MYOM1: variants seen among roughly 807,000 people sequenced by gnomAD.
The protein encoded by MYOM1 is myomesin-1.
Under a neutral mutation model 205.3 loss-of-function variants are expected in MYOM1, and 164 were observed. That is an observed-to-expected ratio of 0.80 (90% CI 0.70 to 0.91). The LOEUF is 0.91. MYOM1 is among the 40% of genes least tolerant of loss of function. The pLI is 0.00. For missense variants in MYOM1, 2,011 were observed against 2,127.3 expected (o/e 0.95, Z 1.08); for synonymous variants, 772 against 789.4 (o/e 0.98, Z 0.37).
chr18:3,094,948 C>G (rs1292792160), intron 25 of MYOM1, among the ~76,000 whole-genome samples: 1 of 152,052 alleles, frequency 6.6e-6, no homozygotes, highest in Non-Finnish European at 1.5e-5. Context: ...TGTGAGCCAC[C>G]TCATCTAGTT....
rs372972789 is a variant in MYOM1 at position 3,203,655 on chromosome 18, GAA to G, written c.291-9699_291-9698del. On this transcript the variant is annotated intron_variant, in intron 2 of 37. Transcript: ENST00000356443. Reference sequence around the variant, plus strand: ...TGGTAATTTAAAATTTTCCTACAACGAAAAGTCCATGCCCAAATAGCTTCGCT... The same window carrying G: ...TGGTAATTTAAAATTTTCCTACAACGAAGTCCATGCCCAAATAGCTTCGCT... 4.6e-3 allele frequency among the ~76,000 whole-genome samples: 700 copies of G among 150,654 alleles called. 6 individuals are homozygous for G. The highest frequency in any genetic ancestry group is 0.016 in the African/African-American group (670 of 41,274).
chr18:3,093,453 T>A (rs534503221), intron 26 of MYOM1: 1 of 152,172 alleles, frequency 6.6e-6, no homozygotes, highest in Non-Finnish European at 1.5e-5. Flanking sequence ...AAAGAGTATT[T>A]TATATATATA....
rs995431556 is a variant in MYOM1 at position 3,135,913 on chromosome 18, A to C, written c.2026-183T>G. Among the ~76,000 whole-genome samples, 2 of 152,170 alleles carry C rather than the reference A, an allele frequency of 1.3e-5. No individual in the cohort carries two copies. The highest frequency in any genetic ancestry group is 1.3e-4 in the Admixed American group (2 of 15,280). On this transcript the variant is annotated intron_variant, in intron 14 of 37. Transcript: ENST00000356443. This position sits in a 1 kb window ranked among gnomAD's most constrained non-coding sequence, Gnocchi z 4.1. ...GAAGTTCGTAGGATTCTCTAAATCA[A>C]ACTTGGCTTTTGATACGGTTTGGCT... is the stretch of plus-strand genomic sequence containing the variant.
intron 19 of MYOM1, among the ~76,000 whole-genome samples, chr18:3,123,127 A>G (rs2143846962): frequency 6.6e-6 from 1 of 152,284 alleles, no homozygotes; most frequent in African/African-American, 2.4e-5. Flanking sequence ...TGCCCCCAGC[A>G]CCACCACTTT....
At chr18:3,090,376 T>C (rs1210924099) in intron 27 of MYOM1, among the ~76,000 whole-genome samples, 1 of 151,998 alleles carries the variant, frequency 6.6e-6, no homozygotes, top group Non-Finnish European at 1.5e-5. Context: ...CACACCACCA[T>C]GCCTGGCTAA....
chr18:3,176,520 G>A (rs576202556), intron 5 of MYOM1, among the ~76,000 whole-genome samples: 54 of 152,154 alleles, frequency 3.5e-4, no homozygotes, highest in Admixed American at 2.4e-3. Flanking sequence ...GTGTTGGGAC[G>A]CAAGAAGGAG....
At chr18:3,164,191 C>T in intron 10 of MYOM1, 87 bp downstream of exon 10, 1 of 1,374,036 alleles carries the variant, frequency 7.3e-7, no homozygotes, top group Non-Finnish European at 1.0e-6. Flanking sequence ...CATTATGAAA[C>T]ATGTTTGAAC....
chr18:3,095,121 C>T (rs1025841073), intron 25 of MYOM1, among the ~76,000 whole-genome samples: 1 of 152,012 alleles, frequency 6.6e-6, no homozygotes, highest in Non-Finnish European at 1.5e-5. Context: ...ACATTCATTC[C>T]AATGCAGGAC....
chr18:3,089,637 T>C (rs1479920989), intron 27 of MYOM1, 41 bp from the exon 28 acceptor site: 1 of 1,532,740 alleles, frequency 6.5e-7, no homozygotes, highest in Admixed American at 1.8e-5. Context: ...TTGAGTTGGG[T>C]GGTATAAATG....
chr18:3,187,391 T>C lies in MYOM1; in HGVS notation c.929+89A>G, dbSNP rs1598752626. ...CAATCTTGTAGATGTCTTCATTGAC[T>C]CTTGCATATGGTTGTTCTGTGTGTT... On this transcript the variant is annotated intron_variant, in intron 5 of 37. Coordinates refer to ENST00000356443, the MANE Select transcript of MYOM1 (RefSeq NM_003803.4). 4 of 1,398,196 alleles carry C rather than the reference T, an allele frequency of 2.9e-6. No homozygotes were observed. The East Asian group carries it at 9.2e-5, about 32-fold the overall frequency. The allele number at this position is 1,398,196 out of a possible 1,614,324, so 86.6% of individuals were successfully genotyped here.
the MYOM1 span, among the ~76,000 whole-genome samples, chr18:3,236,272 G>A: frequency 1.3e-5 from 2 of 152,200 alleles, no homozygotes; most frequent in Non-Finnish European, 2.9e-5. Flanking sequence ...GGAAGAAAAG[G>A]AAGTAAGAAA....
intron 18 of MYOM1, among the ~76,000 whole-genome samples, chr18:3,127,305 A>ATATATTTTTTTTTTTTTTTTTT (rs56880961): frequency 2.1e-5 from 1 of 47,582 alleles, no homozygotes; most frequent in Non-Finnish European, 3.6e-5. Context: ...ATATATATAT[A>ATATATTTTTTTTTTTTTTTTTT]TTTTTTTTTT....
intron 13 of MYOM1, among the ~76,000 whole-genome samples, chr18:3,148,064 T>C (rs1406087219): frequency 6.6e-6 from 1 of 152,146 alleles, no homozygotes; most frequent in Non-Finnish European, 1.5e-5. Context: ...ATGGCTAAAA[T>C]TGAAAAGACT....
intron 13 of MYOM1, among the ~76,000 whole-genome samples, chr18:3,143,387 G>T (rs1032589623): frequency 2.6e-5 from 4 of 152,064 alleles, no homozygotes; most frequent in African/African-American, 9.7e-5. Flanking sequence ...CAGGTGAAAA[G>T]AAAATCATAT....
rs78643019 is a variant in MYOM1 at position 3,155,364 on chromosome 18, G to C, written c.1502-276C>G. On this transcript the variant is annotated intron_variant, in intron 10 of 37. Transcript: ENST00000356443. ...AGCCTCCTGAGTAGCTGGGACTACA[G>C]GCACCCGCCACCACGCCCAGCTAAT... Among the ~76,000 whole-genome samples, 14 of 152,302 alleles carry C rather than the reference G, an allele frequency of 9.2e-5. No individual in the cohort carries two copies. The East Asian group carries it at 2.7e-3, about 29-fold the overall frequency.
intron 33 of MYOM1, among the ~76,000 whole-genome samples, chr18:3,081,947 G>C (rs1444006332): frequency 1.3e-5 from 2 of 152,198 alleles, no homozygotes; most frequent in African/African-American, 4.8e-5. Context: ...AACCTTTTTG[G>C]CACCAGGGAC....
intron 2 of MYOM1, among the ~76,000 whole-genome samples, chr18:3,201,581 T>A (rs1422063574): frequency 6.7e-6 from 1 of 149,990 alleles, no homozygotes; most frequent in Non-Finnish European, 1.5e-5. Context: ...CATATGTATA[T>A]AAATTTATAC....
chr18:3,125,786 G>C (rs909618681), intron 19 of MYOM1, among the ~76,000 whole-genome samples: 2 of 152,128 alleles, frequency 1.3e-5, no homozygotes, highest in African/African-American at 4.8e-5. Flanking sequence ...CATCAGCTAA[G>C]GCAACAGTGA....
intron 2 of MYOM1, among the ~76,000 whole-genome samples, chr18:3,210,189 C>T (rs2081174217): frequency 6.6e-6 from 1 of 152,232 alleles, no homozygotes; most frequent in Admixed American, 6.5e-5. Flanking sequence ...TTTGGTAACA[C>T]ATTTTGAAAG....
Sources: allele counts gnomAD v4.1 joint callset (sites outside exome capture counted in the v4.1 genomes callset), GRCh38; gene constraint gnomAD v4.1.1; non-coding constraint Gnocchi (gnomAD v3.1); transcripts MANE v1.5; gene names NCBI Gene and HGNC (gene_info 2026-07-23, HGNC 2026-07-21).